Variants in SNTG2 observed in about 807,000 individuals in gnomAD.
SNTG2 encodes the protein syntrophin gamma 2, also known as gamma-2-syntrophin.
Under a neutral mutation model 70.9 loss-of-function variants are expected in SNTG2, and 74 were observed. The observed-to-expected ratio is 1.04, with a 90% CI of 0.86 to 1.27. SNTG2 has a LOEUF of 1.27. Ranked by LOEUF, SNTG2 falls within the 50% of genes most tolerant of loss-of-function variation. The pLI, the probability that SNTG2 is intolerant of heterozygous loss-of-function variation, is 0.00. For synonymous variants in SNTG2, 278 were observed against 273.8 expected (o/e 1.02, Z -0.15); for missense variants, 717 against 690.7 (o/e 1.04, Z -0.43).
intron 8 of SNTG2, among the ~76,000 whole-genome samples, chr2:1,202,566 G>A (rs867686063): frequency 6.6e-6 from 1 of 152,060 alleles, no homozygotes; most frequent in African/African-American, 2.4e-5. Context: ...ATTAAGCCCA[G>A]CAGTATGAGA....
Position 1,209,112 on chromosome 2 carries a change from T to A in SNTG2, c.601T>A (p.Ser201Thr). The change falls in exon 9 of 17, where the codon TCA becomes ACA. Residue 201 changes from serine (S) to threonine (T), a missense_variant. By Grantham distance (58) the Ser-to-Thr change is moderately conservative. Transcript: ENST00000308624. ...CCTTTCTTCTGTACAGGCCCCATCG[T>A]CACCTTCCTCGCCCATAGCTAAGGA... ...NGNSSTTAPSSPSSPIAKDPR... is the reference protein window; with the variant it reads ...NGNSSTTAPSTPSSPIAKDPR... 2 of 1,613,928 alleles carry A rather than the reference T, an allele frequency of 1.2e-6. No homozygotes were observed. Among genetic ancestry groups the A allele is most frequent in the Non-Finnish European group, 1.7e-6 (2 of 1,179,874 alleles).
At chr2:1,270,293 A>G (rs776488596) in intron 14 of SNTG2, among the ~76,000 whole-genome samples, 6 of 152,174 alleles carry the variant, frequency 3.9e-5, no homozygotes, top group Admixed American at 6.5e-5. Flanking sequence ...CCAAAACTCC[A>G]TTACATAAAC....
chr2:1,119,532 G>A (rs1223425163), intron 4 of SNTG2, among the ~76,000 whole-genome samples: 2 of 149,812 alleles, frequency 1.3e-5, no homozygotes, highest in Non-Finnish European at 3.0e-5. Flanking sequence ...CATAAACTGT[G>A]GAGGAGAAGT....
At chr2:1,309,089 G>T (rs1424544362) in intron 15 of SNTG2, among the ~76,000 whole-genome samples, 1 of 152,134 alleles carries the variant, frequency 6.6e-6, no homozygotes, top group African/African-American at 2.4e-5. Flanking sequence ...CCACTGTTTT[G>T]TCATAATATT....
chr2:1,231,836 G>A (rs992007018), intron 9 of SNTG2, among the ~76,000 whole-genome samples: 1 of 152,094 alleles, frequency 6.6e-6, no homozygotes, highest in Non-Finnish European at 1.5e-5. Flanking sequence ...AAACACTCAC[G>A]TGTGCCTACT....
At chr2:1,224,421 C>G (rs1572790602) in intron 9 of SNTG2, among the ~76,000 whole-genome samples, 2 of 152,294 alleles carry the variant, frequency 1.3e-5, no homozygotes, top group South Asian at 4.1e-4. Context: ...GACCCTTGAC[C>G]TTTGACCTGG....
Position 1,165,610 on chromosome 2 carries a change from G to A in SNTG2, c.474G>A (p.Ala158=), listed in dbSNP as rs376321162. 54 of 1,612,860 alleles carry A rather than the reference G, an allele frequency of 3.3e-5. No homozygotes were observed. Among genetic ancestry groups the A allele is most frequent in the South Asian group, 5.5e-5 (5 of 90,706 alleles). The stretch of plus-strand genomic sequence containing the variant: ...TCACCGTTGAGTATCTCAGGGAAGC[G>A]CCGGCATTTCTGAAGCTCCCGTTAG... ...VTITVEYLRE[A]PAFLKLPLGS... Residue 158 remains alanine, a synonymous_variant, in exon 7 of 17, where the codon GCG becomes GCA. Coordinates refer to ENST00000308624, the MANE Select transcript of SNTG2 (RefSeq NM_018968.4).
chr2:1,131,896 C>T (rs1484856823), intron 4 of SNTG2, among the ~76,000 whole-genome samples: 4 of 152,048 alleles, frequency 2.6e-5, no homozygotes, highest in African/African-American at 9.7e-5. Flanking sequence ...GTGATCCGCC[C>T]GCCTCAGCCT....
intron 1 of SNTG2, among the ~76,000 whole-genome samples, chr2:982,738 C>T (rs1346136464): frequency 6.6e-6 from 1 of 152,208 alleles, no homozygotes; most frequent in African/African-American, 2.4e-5. Flanking sequence ...CTCTTGTGCT[C>T]ACTCAGCACC....
chr2:1,250,381 GTCTCTGTCTC>G lies in SNTG2; in HGVS notation c.1005+2950_1005+2959del, dbSNP rs1452642392. On this transcript the variant is annotated intron_variant, in intron 12 of 16. Coordinates refer to ENST00000308624, the MANE Select transcript of SNTG2 (RefSeq NM_018968.4). ...CCTCCATCTCTCTCCCTGTCTCTCT[GTCTCTGTCTC>G]TCTCTGTCTCTATTTATATCTCTTT... is the stretch of plus-strand genomic sequence containing the variant. Among the ~76,000 whole-genome samples the G allele has an allele frequency of 5.3e-5, 8 of 152,178 alleles. No individual in the cohort carries two copies. The East Asian group carries it at 5.8e-4, about 11-fold the overall frequency.
chr2:1,026,700 C>T (rs530348534), intron 1 of SNTG2, among the ~76,000 whole-genome samples: 5 of 152,266 alleles, frequency 3.3e-5, no homozygotes, highest in African/African-American at 1.2e-4. Context: ...TCGGAATAAC[C>T]CACTTGCTCT....
intron 2 of SNTG2, among the ~76,000 whole-genome samples, chr2:1,088,622 A>G (rs1335577099): frequency 6.6e-6 from 1 of 152,236 alleles, no homozygotes; most frequent in Admixed American, 6.5e-5. Flanking sequence ...CGGAGCTTTC[A>G]TTTGTCAGTG....
intron 1 of SNTG2, among the ~76,000 whole-genome samples, chr2:992,432 T>G (rs1456317861): frequency 2.6e-5 from 4 of 152,170 alleles, no homozygotes; most frequent in Non-Finnish European, 5.9e-5. Flanking sequence ...TATTTAGTTT[T>G]GGCACCCTCA....
Position 1,222,057 on chromosome 2 carries a change from G to GTCTC in SNTG2, c.719+12829_719+12832dup, listed in dbSNP as rs1482343282. ...TCTCTGTCTCTCTCTGTCTCTCTCT[G>GTCTC]TCTCTGTTTCTCTCTGTCTCTGTCT... On this transcript the variant is annotated intron_variant, in intron 9 of 16. Coordinates refer to ENST00000308624, the MANE Select transcript of SNTG2 (RefSeq NM_018968.4). Among the ~76,000 whole-genome samples, 31 of 32,356 alleles carry GTCTC rather than the reference G, an allele frequency of 9.6e-4. 8 individuals carry two copies. Among genetic ancestry groups the GTCTC allele is most frequent in the African/African-American group, 2.0e-3 (16 of 7,990 alleles). 21.2% of individuals were successfully genotyped at this position (32,356 alleles called of 152,430 possible).
intron 6 of SNTG2, among the ~76,000 whole-genome samples, chr2:1,150,817 A>C (rs1669431097): frequency 6.6e-6 from 1 of 152,198 alleles, no homozygotes; most frequent in Non-Finnish European, 1.5e-5. Flanking sequence ...CAGACCTCTC[A>C]TGAATAGCCC....
At chr2:1,236,575 C>T (rs1280572685) in intron 9 of SNTG2, among the ~76,000 whole-genome samples, 1 of 152,206 alleles carries the variant, frequency 6.6e-6, no homozygotes, top group African/African-American at 2.4e-5. Context: ...GAATATCAGC[C>T]ACAAGTAGAT....
chr2:1,237,638 G>T (rs1432658613), intron 9 of SNTG2, among the ~76,000 whole-genome samples: 1 of 152,234 alleles, frequency 6.6e-6, no homozygotes, highest in Non-Finnish European at 1.5e-5. Flanking sequence ...CAGGAGCACT[G>T]TTCTTTCCTT....
At chr2:1,313,861 G>C (rs755558046) in intron 15 of SNTG2, among the ~76,000 whole-genome samples, 4 of 152,090 alleles carry the variant, frequency 2.6e-5, no homozygotes, top group East Asian at 3.9e-4. Flanking sequence ...GTAAAATTAG[G>C]ACATAATTTT....
intron 1 of SNTG2, among the ~76,000 whole-genome samples, chr2:1,031,360 G>A (rs1223576628): frequency 1.3e-5 from 2 of 151,550 alleles, no homozygotes; most frequent in Non-Finnish European, 1.5e-5. Context: ...AGTCCTCAGA[G>A]TGTCAGATGG....
Sources: allele counts gnomAD v4.1 joint callset (sites outside exome capture counted in the v4.1 genomes callset), GRCh38; gene constraint gnomAD v4.1.1; transcripts MANE v1.5; gene names NCBI Gene and HGNC (gene_info 2026-07-23, HGNC 2026-07-21).